Variants in COL11A1 observed in about 807,000 individuals in gnomAD.
The protein encoded by COL11A1 is collagen type XI alpha 1 chain.
Under a neutral mutation model 265.2 loss-of-function variants are expected in COL11A1, and 74 were observed. The observed-to-expected ratio is 0.28, with a 90% CI of 0.23 to 0.34. The LOEUF is 0.34. Among genes scored for constraint, COL11A1 ranks in the 10% least tolerant of loss-of-function variants. The pLI is 1.00. For synonymous variants in COL11A1, 816 were observed against 727.6 expected (o/e 1.12, Z -1.96); for missense variants, 2,165 against 2,263.6 (o/e 0.96, Z 0.88).
At chr1:102,998,934 A>G (rs147760397) in intron 24 of COL11A1, among the ~76,000 whole-genome samples, 75 of 152,098 alleles carry the variant, frequency 4.9e-4, no homozygotes, top group African/African-American at 1.7e-3. Flanking sequence ...TCAACAGATT[A>G]ATCCCTGTTT....
In COL11A1 at chr1:102,877,729, TG is replaced by T. The variant is rs1649666631; in HGVS notation, c.*289del. 1 of 331,760 alleles carries T rather than the reference TG, an allele frequency of 3.0e-6. No individual in the cohort carries two copies. The highest frequency in any genetic ancestry group is 5.7e-6 in the Non-Finnish European group (1 of 176,170). 20.6% of individuals were successfully genotyped at this position (331,760 alleles called of 1,614,324 possible). On this transcript the variant is annotated 3_prime_UTR_variant, in exon 67 of 67. Transcript: ENST00000370096. ...TTATGAATATATATTTTTCTTTTTT[TG>T]TTTTCTACAGCACCAAAGAAATTCA...
intron 46 of COL11A1, among the ~76,000 whole-genome samples, chr1:102,930,412 T>C (rs2101149539): frequency 6.6e-6 from 1 of 152,020 alleles, no homozygotes; most frequent in East Asian, 1.9e-4. Flanking sequence ...TTGCGTATAT[T>C]GAACCAGCCT....
chr1:103,025,966 T>C, intron 6 of COL11A1: 1 of 1,607,854 alleles, frequency 6.2e-7, no homozygotes, highest in Non-Finnish European at 8.5e-7. Context: ...TAAAATGTGG[T>C]GAAAGATGGA....
chr1:103,052,469 C>A (rs1669908666), intron 4 of COL11A1, among the ~76,000 whole-genome samples: 1 of 152,072 alleles, frequency 6.6e-6, no homozygotes, highest in South Asian at 2.1e-4. Flanking sequence ...GTGTTCTCAC[C>A]TTTAAATGTC....
chr1:102,948,159 A>G (rs1279600306), intron 41 of COL11A1, among the ~76,000 whole-genome samples: 1 of 152,086 alleles, frequency 6.6e-6, no homozygotes, highest in Non-Finnish European at 1.5e-5. Context: ...AACTAATTAC[A>G]TGTGATAAAA....
At chr1:103,050,421 G>A (rs1446051957) in intron 4 of COL11A1, among the ~76,000 whole-genome samples, 4 of 152,078 alleles carry the variant, frequency 2.6e-5, no homozygotes, top group Admixed American at 1.3e-4. Context: ...CATTCATCAC[G>A]TAGTTCTCGT....
intron 42 of COL11A1, among the ~76,000 whole-genome samples, chr1:102,946,418 C>G (rs1659278674): frequency 6.6e-6 from 1 of 151,948 alleles, no homozygotes; most frequent in Non-Finnish European, 1.5e-5. Context: ...GCGATCGGAG[C>G]TCAGATTACA....
intron 1 of COL11A1, among the ~76,000 whole-genome samples, chr1:103,087,567 T>C (rs2102349938): frequency 6.6e-6 from 1 of 152,330 alleles, no homozygotes; most frequent in Non-Finnish European, 1.5e-5. Flanking sequence ...GAGTCCCTCA[T>C]TCTGTCCTCA....
intron 54 of COL11A1, among the ~76,000 whole-genome samples, chr1:102,906,096 T>C (rs12145872): frequency 0.092 from 13,962 of 152,254 alleles, 747 homozygotes; most frequent in Middle Eastern, 0.13. Flanking sequence ...AATAATAACA[T>C]CCACTGTTTG....
chr1:102,913,666 T>C lies in COL11A1; in HGVS notation c.4003A>G (p.Lys1335Glu). 6.2e-7 allele frequency: 1 copy of C among 1,613,460 alleles called. No individual in the cohort carries two copies. The highest frequency in any genetic ancestry group is 1.1e-5 in the South Asian group (1 of 91,064). Residue 1335 changes from lysine to glutamate, a missense_variant, in exon 53 of 67, where the codon AAG becomes GAG. Coordinates refer to ENST00000370096, the MANE Select transcript of COL11A1 (RefSeq NM_001854.4). ...PAGQDGVGGD[K>E]GEDGDPGQPG... ...TGACCAGGATCTCCATCTTCACCCT[T>C]GTCACCACCAACACCATCTTGACCC...
chr1:102,968,795 T>C (rs1661680489), intron 37 of COL11A1, among the ~76,000 whole-genome samples: 2 of 152,210 alleles, frequency 1.3e-5, no homozygotes, highest in African/African-American at 2.4e-5. Context: ...CTAGAAACAT[T>C]ATGCTGTTTT....
At chr1:103,062,080 A>C (rs947917293) in intron 4 of COL11A1, among the ~76,000 whole-genome samples, 5 of 152,002 alleles carry the variant, frequency 3.3e-5, no homozygotes, top group African/African-American at 4.8e-5. Context: ...AAATTTGATA[A>C]ATTAGATGAA....
chr1:102,904,741 A>C (rs960851108), intron 54 of COL11A1, among the ~76,000 whole-genome samples: 6 of 152,056 alleles, frequency 3.9e-5, no homozygotes, highest in African/African-American at 1.2e-4. Flanking sequence ...GCTGGAGAGG[A>C]TGTGGAGAAA....
chr1:102,923,209 C>A, intron 47 of COL11A1, 127 bp downstream of exon 47: 1 of 745,680 alleles, frequency 1.3e-6, no homozygotes, highest in South Asian at 2.0e-5. Flanking sequence ...ATAACTAAAT[C>A]ATGTCAGTTG....
intron 66 of COL11A1, among the ~76,000 whole-genome samples, chr1:102,878,403 G>A (rs528290670): frequency 7.3e-6 from 1 of 137,128 alleles, no homozygotes; most frequent in South Asian, 2.4e-4. Flanking sequence ...TATATATTTT[G>A]TAATTAAAAA....
At chr1:103,060,786 A>G (rs72685207) in intron 4 of COL11A1, among the ~76,000 whole-genome samples, 15,703 of 152,092 alleles carry the variant, frequency 0.1, 907 homozygotes, top group Non-Finnish European at 0.11. Context: ...ACACAGTGAG[A>G]CCCTATCTCT....
chr1:102,986,704 T>C (rs1663589636), intron 30 of COL11A1, among the ~76,000 whole-genome samples: 1 of 152,174 alleles, frequency 6.6e-6, no homozygotes, highest in South Asian at 2.1e-4. Flanking sequence ...AGTTCTTGCT[T>C]GTCATCATAG....
At chr1:102,918,649 A>G (rs1384885145) in intron 49 of COL11A1, among the ~76,000 whole-genome samples, 2 of 124,878 alleles carry the variant, frequency 1.6e-5, no homozygotes, top group African/African-American at 5.5e-5. Context: ...GCTGTCACAT[A>G]AAAAAAAATC....
chr1:102,892,201 T>G (rs1651863600), intron 57 of COL11A1, among the ~76,000 whole-genome samples: 1 of 152,172 alleles, frequency 6.6e-6, no homozygotes, highest in Admixed American at 6.6e-5. Context: ...AGAATTCAAT[T>G]AGCTCAATTA....
Sources: allele counts gnomAD v4.1 joint callset (sites outside exome capture counted in the v4.1 genomes callset), GRCh38; gene constraint gnomAD v4.1.1; transcripts MANE v1.5; gene names NCBI Gene and HGNC (gene_info 2026-07-23, HGNC 2026-07-21).